MYO16: variants seen among roughly 807,000 people sequenced by gnomAD.
MYO16 encodes unconventional myosin-XVI.
In MYO16, 94 loss-of-function variants were observed where a neutral mutation model predicts 205.3. The ratio of observed to expected loss-of-function variants is 0.46; its 90% CI spans 0.39 to 0.54. The LOEUF (loss-of-function observed/expected upper bound fraction) is 0.54. Among genes scored for constraint, MYO16 ranks in the 20% least tolerant of loss-of-function variants. The pLI is 0.00. For synonymous variants in MYO16, 988 were observed against 954.0 expected (o/e 1.04, Z -0.66); for missense variants, 2,315 against 2,387.5 (o/e 0.97, Z 0.63).
chr13:109,173,546 A>G (rs1879004237), intron 33 of MYO16, among the ~76,000 whole-genome samples: 1 of 152,166 alleles, frequency 6.6e-6, no homozygotes, highest in Non-Finnish European at 1.5e-5. Flanking sequence ...AGGTGAGTAA[A>G]TAACAGAGGA....
the MYO16 span, among the ~76,000 whole-genome samples, chr13:108,566,103 G>T: frequency 6.6e-6 from 1 of 151,918 alleles, no homozygotes; most frequent in Non-Finnish European, 1.5e-5. Flanking sequence ...AGTATGATTA[G>T]TATTAGTTCT....
intron 32 of MYO16, among the ~76,000 whole-genome samples, chr13:109,157,348 T>A (rs1350075994): frequency 6.6e-6 from 1 of 150,512 alleles, no homozygotes; most frequent in Non-Finnish European, 1.5e-5. Context: ...TCCAAAGCTC[T>A]CTGCTCCCAC....
intron 1 of MYO16, among the ~76,000 whole-genome samples, chr13:108,665,405 C>T (rs1881679942): frequency 1.3e-5 from 2 of 152,160 alleles, no homozygotes; most frequent in Admixed American, 6.6e-5. Context: ...AGCCATTATA[C>T]TTGGCAGCAT....
chr13:109,197,970 A>T (rs1362168369), intron 34 of MYO16, among the ~76,000 whole-genome samples: 2 of 152,200 alleles, frequency 1.3e-5, no homozygotes, highest in Non-Finnish European at 2.9e-5. Flanking sequence ...TTCCCACTTT[A>T]TGCCACTGGC....
At chr13:108,648,936 C>T (rs2139396261) in intron 1 of MYO16, among the ~76,000 whole-genome samples, 1 of 152,064 alleles carries the variant, frequency 6.6e-6, no homozygotes, top group African/African-American at 2.4e-5. Flanking sequence ...ATCTCTTTCT[C>T]TCTCTTTTTC....
chr13:109,067,877 T>C (rs370132746), intron 27 of MYO16, among the ~76,000 whole-genome samples: 4 of 152,096 alleles, frequency 2.6e-5, no homozygotes, highest in East Asian at 3.9e-4. Flanking sequence ...TGTCTACAAA[T>C]GAAGGATTGT....
chr13:108,809,945 A>G lies in MYO16; in HGVS notation c.867+3141A>G, dbSNP rs1887235301. ...CCATAAACATCTATAGAAAGGGGAGACTTTTACTTAGTTCAGCAGATTTTT... is the reference window on the plus strand; with the variant it reads ...CCATAAACATCTATAGAAAGGGGAGGCTTTTACTTAGTTCAGCAGATTTTT... On this transcript the variant is annotated intron_variant, in intron 7 of 34. Coordinates refer to ENST00000457511, the MANE Select transcript of MYO16 (RefSeq NM_001198950.3). Among the ~76,000 whole-genome samples the G allele has an allele frequency of 1.3e-5, 2 of 152,040 alleles. 1 individual carries two copies. The highest frequency in any genetic ancestry group is 1.3e-4 in the Admixed American group (2 of 15,272).
chr13:109,046,110 C>T (rs2139591373), intron 23 of MYO16, among the ~76,000 whole-genome samples: 1 of 152,292 alleles, frequency 6.6e-6, no homozygotes, highest in Admixed American at 6.5e-5. Flanking sequence ...CTCACTCTTG[C>T]TCAGGAGTAA....
chr13:108,578,484 G>C, the MYO16 span, among the ~76,000 whole-genome samples: 1 of 152,266 alleles, frequency 6.6e-6, no homozygotes, highest in Non-Finnish European at 1.5e-5. Context: ...TGACCACTTA[G>C]AAAAGGCATG....
At chr13:109,005,769 C>T (rs543218544) in intron 21 of MYO16, among the ~76,000 whole-genome samples, 17 of 152,262 alleles carry the variant, frequency 1.1e-4, no homozygotes, top group Admixed American at 1.3e-4. Context: ...CCCAGTCCCA[C>T]GCCACACTCC....
chr13:108,639,564 T>C (rs1295934403), intron 1 of MYO16, among the ~76,000 whole-genome samples: 1 of 152,212 alleles, frequency 6.6e-6, no homozygotes, highest in Non-Finnish European at 1.5e-5. Context: ...CAACCCTGAA[T>C]GACATAGGAG....
At position 109,127,575 on chromosome 13, in the gene MYO16, C is replaced by T. The variant is rs763846145; in HGVS notation, c.4051+25C>T. 4 of 1,602,190 alleles carry T rather than the reference C, an allele frequency of 2.5e-6. No individual in the cohort carries two copies. Among genetic ancestry groups the T allele is most frequent in the Non-Finnish European group, 3.4e-6 (4 of 1,178,132 alleles). ...GGTCAGCCCTGGGGAGGGACCCAGC[C>T]TCGTGTTCCGGGCTCGCGCATGCTC... On this transcript the variant is annotated intron_variant, in intron 31 of 34. Coordinates refer to ENST00000457511, the MANE Select transcript of MYO16 (RefSeq NM_001198950.3). This position sits in a 1 kb window ranked among gnomAD's most constrained non-coding sequence, Gnocchi z 4.2.
chr13:108,926,939 C>G (rs1882033136), intron 16 of MYO16, among the ~76,000 whole-genome samples: 1 of 152,162 alleles, frequency 6.6e-6, no homozygotes, highest in Admixed American at 6.5e-5. Context: ...GCACTGTCAA[C>G]TGTGATAAAT....
rs1337641467 is a variant in MYO16 at position 109,140,703 on chromosome 13, G to C, written c.4491G>C (p.Ala1497=). ...AGGCGGCGGGGCCCCCAGGGGACGC[G>C]TGCGACATCCCGCCGCCCTTCCCCA... ...EDEAAGPPGD[A]CDIPPPFPNL... is the part of the protein sequence containing the mutation. The change falls in exon 32 of 35, where the codon GCG becomes GCC. Residue 1497 remains alanine (A), a synonymous_variant. Transcript: ENST00000457511. The surrounding 1 kb of genome is among the most constrained non-coding windows in gnomAD (Gnocchi z 8.0). The C allele has an allele frequency of 4.7e-6, 7 of 1,486,386 alleles. No homozygotes were observed. In the South Asian group the frequency reaches 9.3e-5, roughly 20 times the overall value. The allele number at this position is 1,486,386 out of a possible 1,614,324, so 92.1% of individuals were successfully genotyped here. A position where few individuals can be genotyped will look rare whatever the true frequency, so the allele number is the denominator to read the frequency against.
At chr13:109,076,933 G>A (rs539682080) in intron 27 of MYO16, among the ~76,000 whole-genome samples, 1 of 152,058 alleles carries the variant, frequency 6.6e-6, no homozygotes, top group South Asian at 2.1e-4. Context: ...AAGCTGCAGT[G>A]GCTGGATCTT....
intron 32 of MYO16, among the ~76,000 whole-genome samples, chr13:109,151,825 A>G (rs1243701425): frequency 6.6e-6 from 1 of 152,224 alleles, no homozygotes; most frequent in African/African-American, 2.4e-5. Context: ...AGGCCTTTCC[A>G]TGTCACTAAA....
rs1041184684 is a variant in MYO16 at position 109,111,772 on chromosome 13, C to T, written c.3439-8598C>T. Reference sequence around the variant, plus strand: ...CACAATCTCAGCTCACTGCAACCTCCGCCTCCCAGGTTCAAGCAATTCTCC... The same window carrying T: ...CACAATCTCAGCTCACTGCAACCTCTGCCTCCCAGGTTCAAGCAATTCTCC... On this transcript the variant is annotated intron_variant, in intron 28 of 34. Coordinates refer to ENST00000457511, the MANE Select transcript of MYO16 (RefSeq NM_001198950.3). 3.3e-5 allele frequency among the ~76,000 whole-genome samples: 5 copies of T among 151,794 alleles called. No individual in the cohort carries two copies. In the East Asian group the frequency reaches 5.8e-4, roughly 18 times the overall value.
chr13:109,155,794 C>T (rs1043105515), intron 32 of MYO16, among the ~76,000 whole-genome samples: 1 of 152,168 alleles, frequency 6.6e-6, no homozygotes, highest in African/African-American at 2.4e-5. Context: ...ACACATTTCC[C>T]CTGTAGCAGT....
At chr13:108,771,636 C>T (rs534630914) in intron 4 of MYO16, among the ~76,000 whole-genome samples, 1 of 151,874 alleles carries the variant, frequency 6.6e-6, no homozygotes, top group Admixed American at 6.5e-5. Context: ...ACCCTCTGTG[C>T]TCTGTCCGTT....
Sources: allele counts gnomAD v4.1 joint callset (sites outside exome capture counted in the v4.1 genomes callset), GRCh38; gene constraint gnomAD v4.1.1; non-coding constraint Gnocchi (gnomAD v3.1); transcripts MANE v1.5; gene names NCBI Gene and HGNC (gene_info 2026-07-23, HGNC 2026-07-21).